The following MYO10 variants were observed in gnomAD, a reference collection of about 807,000 sequenced individuals.
The protein encoded by MYO10 is unconventional myosin-X.
MYO10 carries 133 observed loss-of-function variants against 257.3 expected under a neutral mutation model. The observed-to-expected ratio is 0.52, with a 90% confidence interval of 0.45 to 0.60. The LOEUF (loss-of-function observed/expected upper bound fraction) is 0.60. Ranked by LOEUF, MYO10 falls within the 20% of genes least tolerant of loss-of-function variation. The pLI is 0.00. For missense variants in MYO10, 2,399 were observed against 2,635.7 expected, an observed-to-expected ratio of 0.91 and a Z score of 1.97; for synonymous variants, 1,104 against 1,028.6, an observed-to-expected ratio of 1.07 and a Z score of -1.40.
chr5:16,717,333 T>C lies in MYO10; in HGVS notation c.1930-6088A>G, dbSNP rs572370051. Among the ~76,000 whole-genome samples the C allele has an allele frequency of 4.6e-5, 7 of 152,350 alleles. No homozygotes were observed. The South Asian group carries it at 1.4e-3, about 32-fold the overall frequency. ...ATGAAAACTTCTTTAGGGAAAAGAT[T>C]AAGTGGAACCTAGGCAGAGAATGTG... is the stretch of plus-strand genomic sequence containing the variant. On this transcript the variant is annotated intron_variant, in intron 19 of 40. Coordinates refer to ENST00000513610, the MANE Select transcript of MYO10 (RefSeq NM_012334.3).
chr5:16,680,558 A>C lies in MYO10; in HGVS notation c.4385-454T>G, dbSNP rs1736945649. On this transcript the variant is annotated intron_variant, in intron 32 of 40. Coordinates refer to ENST00000513610, the MANE Select transcript of MYO10 (RefSeq NM_012334.3). ...TGTGAGTTCAGAGGCAAGCTGTCCGAACCGTCACCCAAACCTGACGCGAAT... is the reference window on the plus strand; with the variant it reads ...TGTGAGTTCAGAGGCAAGCTGTCCGCACCGTCACCCAAACCTGACGCGAAT... 2.6e-5 allele frequency among the ~76,000 whole-genome samples: 4 copies of C among 152,290 alleles called. No individual in the cohort carries two copies. The South Asian group carries it at 8.3e-4, about 32-fold the overall frequency.
intron 30 of MYO10, among the ~76,000 whole-genome samples, chr5:16,682,803 T>TAAA (rs1217960373): frequency 6.7e-6 from 1 of 149,672 alleles, no homozygotes. Context: ...AAATAAAAAA[T>TAAA]AAAAAAAGCC....
chr5:16,837,984 A>T (rs946604568), intron 2 of MYO10, among the ~76,000 whole-genome samples: 2 of 152,106 alleles, frequency 1.3e-5, no homozygotes, highest in African/African-American at 4.8e-5. Context: ...CACAAACCAC[A>T]CCCATACAAG....
chr5:16,933,630 C>G (rs1166786938), intron 1 of MYO10, among the ~76,000 whole-genome samples: 1 of 152,172 alleles, frequency 6.6e-6, no homozygotes, highest in Non-Finnish European at 1.5e-5. Flanking sequence ...TGTTTCTATT[C>G]TAACAGGACA....
chr5:16,676,208 A>G (rs771578537), intron 33 of MYO10, 54 bp from the exon 34 acceptor site: 17 of 1,594,606 alleles, frequency 1.1e-5, no homozygotes, highest in Non-Finnish European at 1.4e-5. Flanking sequence ...TCCTACATAT[A>G]AATATTTTTC....
At chr5:16,669,007 C>G (rs1214756176) in intron 39 of MYO10, among the ~76,000 whole-genome samples, 2 of 152,102 alleles carry the variant, frequency 1.3e-5, no homozygotes. Context: ...AGAGTGGGAA[C>G]AGGGACTTTA....
chr5:16,704,437 G>A (rs759991954), intron 22 of MYO10, 142 bp downstream of exon 22: 101 of 640,016 alleles, frequency 1.6e-4, no homozygotes, highest in Non-Finnish European at 2.5e-4. Flanking sequence ...GGCTAGCTAG[G>A]TTTCGGGAGT....
At chr5:16,735,230 C>G (rs542044405) in intron 19 of MYO10, among the ~76,000 whole-genome samples, 1 of 152,278 alleles carries the variant, frequency 6.6e-6, no homozygotes, top group Admixed American at 6.5e-5. Flanking sequence ...AACAAATCAA[C>G]TTGTTCCTTG....
chr5:16,814,563 T>C (rs964705555), intron 3 of MYO10: 2 of 152,258 alleles, frequency 1.3e-5, no homozygotes, highest in South Asian at 2.1e-4. Context: ...TTTAAAGATA[T>C]AGACAGGCAT....
intron 19 of MYO10, among the ~76,000 whole-genome samples, chr5:16,725,447 C>G (rs60461916): frequency 0.021 from 3,123 of 152,160 alleles, 125 homozygotes; most frequent in African/African-American, 0.071. Context: ...AACTACCCAG[C>G]CCTTGAACAG....
chr5:16,682,834 G>C (rs1162177768), intron 30 of MYO10, among the ~76,000 whole-genome samples: 1 of 152,102 alleles, frequency 6.6e-6, no homozygotes, highest in East Asian at 1.9e-4. Flanking sequence ...GTTGGCAAGG[G>C]AGAAAAGTGG....
chr5:16,738,584 T>TA (rs1448096256), intron 19 of MYO10, among the ~76,000 whole-genome samples: 4 of 151,168 alleles, frequency 2.6e-5, no homozygotes, highest in African/African-American at 4.9e-5. Flanking sequence ...AAGACAAAGT[T>TA]AAAAAAACAA....
chr5:16,836,294 A>G (rs1353187482), intron 2 of MYO10, among the ~76,000 whole-genome samples: 4 of 152,330 alleles, frequency 2.6e-5, no homozygotes, highest in African/African-American at 4.8e-5. Context: ...CTTTCAGTAG[A>G]TAACAAATGG....
intron 19 of MYO10, among the ~76,000 whole-genome samples, chr5:16,741,547 T>C (rs192068414): frequency 1.1e-3 from 168 of 152,328 alleles, no homozygotes; most frequent in African/African-American, 3.8e-3. Context: ...AAAAGGTGAA[T>C]TCCATATGAA....
At chr5:16,757,693 C>A (rs1394316886) in intron 18 of MYO10, among the ~76,000 whole-genome samples, 1 of 152,134 alleles carries the variant, frequency 6.6e-6, no homozygotes, top group East Asian at 1.9e-4. Context: ...GAGTCTAGGT[C>A]TTACGCTGTC....
chr5:16,764,457 A>G, intron 11 of MYO10, 61 bp from the exon 12 acceptor site: 1 of 1,589,330 alleles, frequency 6.3e-7, no homozygotes. Flanking sequence ...AGGCAAGGCC[A>G]TCCATTCCCC....
intron 27 of MYO10, among the ~76,000 whole-genome samples, chr5:16,693,239 G>C (rs1402284948): frequency 6.6e-6 from 1 of 152,200 alleles, no homozygotes; most frequent in African/African-American, 2.4e-5. Flanking sequence ...CTGCACTCCA[G>C]CCTGGGCAAT....
chr5:16,773,232 A>T (rs1200023717), intron 9 of MYO10, among the ~76,000 whole-genome samples: 1 of 152,196 alleles, frequency 6.6e-6, no homozygotes, highest in Admixed American at 6.6e-5. Flanking sequence ...TTCAAATTTA[A>T]AGATATTTAT....
chr5:16,880,680 G>A (rs1023853078), intron 1 of MYO10, among the ~76,000 whole-genome samples: 1 of 152,140 alleles, frequency 6.6e-6, no homozygotes, highest in African/African-American at 2.4e-5. Flanking sequence ...GTACCTATTT[G>A]CACACAAGTC....
Sources: gnomAD v4.1 joint callset for allele counts (sites outside exome capture counted in the v4.1 genomes callset) on GRCh38, gnomAD v4.1.1 for gene constraint, MANE v1.5 for transcripts, NCBI Gene and HGNC (gene_info 2026-07-23, HGNC 2026-07-21) for gene names.